The following LAMA5 variants were observed in gnomAD, a reference collection of about 807,000 sequenced individuals.
LAMA5 encodes the protein laminin subunit alpha 5.
LAMA5 carries 260 observed loss-of-function variants against 433.4 expected under a neutral mutation model. The observed-to-expected ratio is 0.60, with a 90% confidence interval of 0.54 to 0.66. The LOEUF is 0.66. Among genes scored for constraint, LAMA5 ranks in the 30% least tolerant of loss-of-function variants. The pLI, the probability that LAMA5 is intolerant of heterozygous loss-of-function variation, is 0.00. For synonymous variants in LAMA5, 2,620 were observed against 2,226.6 expected, an observed-to-expected ratio of 1.18 and a Z score of -4.97; for missense variants, 5,378 against 5,258.5, an observed-to-expected ratio of 1.02 and a Z score of -0.70.
rs761349379 is a variant in LAMA5 at position 62,332,689 on chromosome 20, G to A, written c.3311C>T (p.Pro1104Leu). ...CACTAGGGCATAGCGGCCTGGCTGT[G>A]GCACTGCCACTTGAAGCTGGACGTC... ...DVDVQLQVAV[P>L]QPGRYALVVE... is the part of the protein sequence containing the mutation. The change falls in exon 27 of 80, where the codon CCA becomes CTA. Residue 1104 changes from proline to leucine, a missense_variant. Coordinates refer to ENST00000252999, the MANE Select transcript of LAMA5 (RefSeq NM_005560.6). The A allele has an allele frequency of 9.3e-6, 15 of 1,610,980 alleles. No individual in the cohort carries two copies. In the Admixed American group the frequency reaches 2.5e-4, roughly 27 times the overall value.
In LAMA5 at chr20:62,351,906, C is replaced by T. The variant is rs1019520970; in HGVS notation, c.858+3G>A. 5.0e-6 allele frequency: 8 copies of T among 1,597,522 alleles called. No homozygotes were observed. The highest frequency in any genetic ancestry group is 6.8e-6 in the Non-Finnish European group (8 of 1,173,276). On this transcript the variant is annotated splice_donor_region_variant and intron_variant, in intron 5 of 79. Coordinates refer to ENST00000252999, the MANE Select transcript of LAMA5 (RefSeq NM_005560.6). ...TCCCCCGCCTGCGCCATGGGCAGCT[C>T]ACCCGGCGGGTGACCGTGGGGTCCC...
chr20:62,362,577 A>G, intron 1 of LAMA5, 25 bp from the exon 2 acceptor site: 1 of 1,495,026 alleles, frequency 6.7e-7, no homozygotes, highest in Admixed American at 2.1e-5. Flanking sequence ...GGAGGGTCAG[A>G]TAGCCGAGAA....
At chr20:62,329,282 G>T (rs530084304) in intron 32 of LAMA5, 29 bp from the exon 33 acceptor site, 12 of 1,544,700 alleles carry the variant, frequency 7.8e-6, no homozygotes, top group Middle Eastern at 1.7e-4. Flanking sequence ...TCACTCTCCC[G>T]CGGGCCCAGA....
Position 62,324,015 on chromosome 20 carries a change from C to A in LAMA5, c.5768+65G>T. 2 of 1,443,896 alleles carry A rather than the reference C, an allele frequency of 1.4e-6. No homozygotes were observed. Among genetic ancestry groups the A allele is most frequent in the Non-Finnish European group, 1.8e-6 (2 of 1,093,364 alleles). The allele number at this position is 1,443,896 out of a possible 1,614,324, so 89.4% of individuals were successfully genotyped here. A position where few individuals can be genotyped will look rare whatever the true frequency, so the allele number is the denominator to read the frequency against. ...CTCTGCAGAGGGCAGTGGGAACCCACCCCGCTGCTGGGTGAAGGGAGCCTG... is the reference window on the plus strand; with the variant it reads ...CTCTGCAGAGGGCAGTGGGAACCCAACCCGCTGCTGGGTGAAGGGAGCCTG... On this transcript the variant is annotated intron_variant, in intron 43 of 79. Coordinates refer to ENST00000252999, the MANE Select transcript of LAMA5 (RefSeq NM_005560.6). This position sits in a 1 kb window ranked among gnomAD's most constrained non-coding sequence, Gnocchi z 4.4.
At chr20:62,316,323 C>G in intron 57 of LAMA5, 2 of 565,236 alleles carry the variant, frequency 3.5e-6, no homozygotes, top group Admixed American at 3.2e-5. Flanking sequence ...AGAGACAGCC[C>G]TCTGGTCCTA....
rs1044121463 is a variant in LAMA5, at chr20:62,359,042, C to T, written c.450+3358G>A. ...CCCCAGTTCCCCCACACCTTGACCC[C>T]CACCTGGGCCTCCCCATTTGCCCTG... On this transcript the variant is annotated intron_variant, in intron 2 of 79. Coordinates refer to ENST00000252999, the MANE Select transcript of LAMA5 (RefSeq NM_005560.6). This position sits in a 1 kb window ranked among gnomAD's most constrained non-coding sequence, Gnocchi z 4.3. Among the ~76,000 whole-genome samples, 1 of 152,174 alleles carries T rather than the reference C, an allele frequency of 6.6e-6. No homozygotes were observed. Among genetic ancestry groups the T allele is most frequent in the Non-Finnish European group, 1.5e-5 (1 of 68,024 alleles).
Position 62,324,576 on chromosome 20 carries a change from T to G in LAMA5, c.5530-22A>C. The G allele has an allele frequency of 1.9e-6, 3 of 1,566,068 alleles. No individual in the cohort carries two copies. Among genetic ancestry groups the G allele is most frequent in the Non-Finnish European group, 1.8e-6 (2 of 1,142,360 alleles). On this transcript the variant is annotated intron_variant, in intron 41 of 79. Coordinates refer to ENST00000252999, the MANE Select transcript of LAMA5 (RefSeq NM_005560.6). This position sits in a 1 kb window ranked among gnomAD's most constrained non-coding sequence, Gnocchi z 4.4. Reference sequence around the variant, plus strand: ...ATTCCTGAGGGTGTACGGGGGCAGGTGGCATCAGCGATTGAGAGGACGAGG... The same window carrying G: ...ATTCCTGAGGGTGTACGGGGGCAGGGGGCATCAGCGATTGAGAGGACGAGG...
chr20:62,316,831 C>T (rs1986986011), intron 56 of LAMA5, 51 bp downstream of exon 56: 1 of 1,548,702 alleles, frequency 6.5e-7, no homozygotes, highest in East Asian at 2.4e-5. Flanking sequence ...GCGGGAGGTG[C>T]AGGCAGTGGG....
intron 22 of LAMA5, 56 bp from the exon 23 acceptor site, chr20:62,334,095 T>C: frequency 6.3e-7 from 1 of 1,590,672 alleles, no homozygotes; most frequent in Non-Finnish European, 8.6e-7. Context: ...GCCTGAGGCC[T>C]GGGCCTTCAA....
chr20:62,311,725 G>A lies in LAMA5; in HGVS notation c.9695C>T (p.Pro3232Leu). ...QQMKPHRGPP[P>L]ELQPQPEGPP... ...CCCCTCAGGCTGCGGCTGGAGCTCG[G>A]GGGGTGGTCCCCGGTGGGGCTTCAT... is the stretch of plus-strand genomic sequence containing the variant. Residue 3232 changes from proline (P) to leucine (L), a missense_variant, in exon 71 of 80, where the codon CCC becomes CTC. Coordinates refer to ENST00000252999, the MANE Select transcript of LAMA5 (RefSeq NM_005560.6). The A allele has an allele frequency of 6.4e-7, 1 of 1,563,904 alleles. No homozygotes were observed. Among genetic ancestry groups the A allele is most frequent in the African/African-American group, 1.4e-5 (1 of 73,926 alleles).
At chr20:62,351,167 G>A (rs639836) in intron 6 of LAMA5, 90,822 of 166,598 alleles carry the variant, frequency 0.55, 28,791 homozygotes, top group East Asian at 0.75. Context: ...TGCCATCCCC[G>A]TCCTGGGCCT....
At chr20:62,334,401 CG>C in intron 21 of LAMA5, 59 bp from the exon 22 acceptor site, 1 of 1,528,686 alleles carries the variant, frequency 6.5e-7, no homozygotes, top group Non-Finnish European at 8.8e-7. Flanking sequence ...CCCTGCACAG[CG>C]GCCCCGGGTC....
chr20:62,354,927 G>A (rs1208812486), intron 2 of LAMA5, among the ~76,000 whole-genome samples: 1 of 152,168 alleles, frequency 6.6e-6, no homozygotes, highest in African/African-American at 2.4e-5. Context: ...GAGGAAACAC[G>A]AACCTCTCCC....
chr20:62,333,885 C>T lies in LAMA5; in HGVS notation c.2878+16G>A. ...GGCTGGTGGGGCAGGGGCTGTGGCC[C>T]AGGGACCCCACTCACAGTTGGCGCA... On this transcript the variant is annotated intron_variant, in intron 23 of 79. Coordinates refer to ENST00000252999, the MANE Select transcript of LAMA5 (RefSeq NM_005560.6). 6.4e-7 allele frequency: 1 copy of T among 1,564,578 alleles called. No homozygotes were observed. Among genetic ancestry groups the T allele is most frequent in the Middle Eastern group, 1.9e-4 (1 of 5,274 alleles).
At chr20:62,325,223 G>A in intron 41 of LAMA5, 93 bp downstream of exon 41, 1 of 829,206 alleles carries the variant, frequency 1.2e-6, no homozygotes, top group South Asian at 1.9e-5. Context: ...GACAGGAAGT[G>A]GAGGCAGCAA....
chr20:62,320,537 TG>T (rs1346321525), intron 50 of LAMA5, 21 bp downstream of exon 50: 15 of 1,559,394 alleles, frequency 9.6e-6, no homozygotes, highest in East Asian at 2.3e-5. Context: ...CCCGGGGCCC[TG>T]GGGGGTCTTG....
chr20:62,313,979 C>CGAGGGGTGGCGAGTGGGCACAGAGACGAG, intron 62 of LAMA5, among the ~76,000 whole-genome samples, 177 bp from the exon 63 acceptor site: 1 of 11,216 alleles, frequency 8.9e-5, no homozygotes, highest in African/African-American at 4.4e-4. Context: ...GGCACAGAGA[C>CGAGGGGTGGCGAGTGGGCACAGAGACGAG]GGGTGGCGAG....
chr20:62,357,435 G>GCTCCTGCTGTGTGCCTCC (rs1209486383), intron 2 of LAMA5, among the ~76,000 whole-genome samples: 4 of 152,192 alleles, frequency 2.6e-5, no homozygotes, highest in Admixed American at 6.5e-5. Flanking sequence ...GCCCTTGCCC[G>GCTCCTGCTGTGTGCCTCC]CTCCTGCTGT....
chr20:62,362,956 A>C (rs1444658772), intron 1 of LAMA5, among the ~76,000 whole-genome samples: 1 of 152,122 alleles, frequency 6.6e-6, no homozygotes, highest in Non-Finnish European at 1.5e-5. Flanking sequence ...CACAAGGTGG[A>C]TCAATGTGTC....
Sources: gnomAD v4.1 joint callset for allele counts (sites outside exome capture counted in the v4.1 genomes callset) on GRCh38, gnomAD v4.1.1 for gene constraint, Gnocchi (gnomAD v3.1) non-coding constraint, MANE v1.5 for transcripts, NCBI Gene and HGNC (gene_info 2026-07-23, HGNC 2026-07-21) for gene names.